The following NAALADL2 variants were observed in gnomAD, a reference collection of about 807,000 sequenced individuals.
NAALADL2 encodes inactive N-acetylated-alpha-linked acidic dipeptidase-like protein 2.
NAALADL2 carries 76 observed loss-of-function variants against 87.2 expected under a neutral mutation model. The ratio of observed to expected loss-of-function variants is 0.87; its 90% confidence interval spans 0.72 to 1.05. The LOEUF (loss-of-function observed/expected upper bound fraction) is 1.05, where lower values mean the gene tolerates loss of function less well. Ranked by LOEUF, NAALADL2 falls within the 50% of genes least tolerant of loss-of-function variation. The pLI is 0.00. For synonymous variants in NAALADL2, 354 were observed against 331.0 expected, an observed-to-expected ratio of 1.07 and a Z score of -0.75; for missense variants, 1,089 against 945.8, an observed-to-expected ratio of 1.15 and a Z score of -1.99.
intron 2 of NAALADL2, among the ~76,000 whole-genome samples, chr3:175,187,653 T>A (rs969836863): frequency 2.6e-5 from 4 of 152,182 alleles, no homozygotes; most frequent in Non-Finnish European, 4.4e-5. Context: ...TCTTTTTTTT[T>A]AAATTCTCTT....
At chr3:175,485,400 C>T (rs1227255864) in intron 9 of NAALADL2, among the ~76,000 whole-genome samples, 4 of 152,114 alleles carry the variant, frequency 2.6e-5, no homozygotes, top group Non-Finnish European at 4.4e-5. Context: ...CACACGATCA[C>T]AAGGTATTAG....
chr3:174,785,685 C>T (rs1679780736), intron 3 of NAALADL2, among the ~76,000 whole-genome samples: 1 of 152,056 alleles, frequency 6.6e-6, no homozygotes, highest in Non-Finnish European at 1.5e-5. Context: ...ATTGAGCGGA[C>T]ATTAAGATGT....
chr3:174,847,683 A>C (rs1218786184), intron 3 of NAALADL2, among the ~76,000 whole-genome samples: 1 of 152,058 alleles, frequency 6.6e-6, no homozygotes, highest in Non-Finnish European at 1.5e-5. Context: ...GTTACTTAGC[A>C]CCATTTTATG....
intron 2 of NAALADL2, among the ~76,000 whole-genome samples, chr3:174,589,043 C>A (rs1209560615): frequency 6.6e-6 from 1 of 152,160 alleles, no homozygotes; most frequent in Non-Finnish European, 1.5e-5. Context: ...AGCTTCCCAG[C>A]CACTTTGTTT....
intron 1 of NAALADL2, among the ~76,000 whole-genome samples, chr3:174,894,684 C>G (rs991791721): frequency 7.9e-6 from 1 of 126,098 alleles, no homozygotes; most frequent in African/African-American, 3.1e-5. Flanking sequence ...GTATAGACAA[C>G]ATAGATCTAA....
chr3:175,752,698 T>C (rs963915638), intron 12 of NAALADL2, among the ~76,000 whole-genome samples: 8 of 152,162 alleles, frequency 5.3e-5, no homozygotes, highest in Non-Finnish European at 1.0e-4. Flanking sequence ...GTCAGTTCTC[T>C]GCATCTGTAC....
intron 5 of NAALADL2, among the ~76,000 whole-genome samples, chr3:175,438,911 G>T (rs903143558): frequency 6.6e-6 from 1 of 151,894 alleles, no homozygotes; most frequent in Non-Finnish European, 1.5e-5. Context: ...ATATGAATAA[G>T]TCCTTTAGTG....
At chr3:174,766,439 T>C (rs1713814622) in intron 3 of NAALADL2, among the ~76,000 whole-genome samples, 1 of 152,156 alleles carries the variant, frequency 6.6e-6, no homozygotes, top group African/African-American at 2.4e-5. Flanking sequence ...GAGTCAGAAA[T>C]GAAATACAGG....
intron 13 of NAALADL2, among the ~76,000 whole-genome samples, chr3:175,768,900 A>G (rs1749110021): frequency 6.6e-6 from 1 of 152,142 alleles, no homozygotes. Context: ...GAGTGGTATA[A>G]AAAGAAGATT....
At chr3:175,742,892 G>A (rs1010686097) in intron 12 of NAALADL2, among the ~76,000 whole-genome samples, 2 of 152,148 alleles carry the variant, frequency 1.3e-5, no homozygotes, top group Non-Finnish European at 2.9e-5. Flanking sequence ...CTCAGTGTCT[G>A]TATCTCTTTG....
At chr3:174,865,015 G>A (rs1341749875) in intron 1 of NAALADL2, among the ~76,000 whole-genome samples, 3 of 151,970 alleles carry the variant, frequency 2.0e-5, no homozygotes, top group Non-Finnish European at 2.9e-5. Flanking sequence ...TGTGTCAATA[G>A]TTTTATTTGA....
chr3:175,649,250 GAAA>G (rs929957693), intron 11 of NAALADL2, among the ~76,000 whole-genome samples: 6 of 151,798 alleles, frequency 4.0e-5, no homozygotes, highest in Non-Finnish European at 7.4e-5. Context: ...TTTTGTGAGA[GAAA>G]AAAAGATAAA....
intron 5 of NAALADL2, among the ~76,000 whole-genome samples, chr3:175,411,448 T>G (rs764734015): frequency 1.3e-5 from 2 of 149,778 alleles, no homozygotes; most frequent in Non-Finnish European, 3.0e-5. Context: ...TCTATTGATG[T>G]GCGAATTGAA....
chr3:175,576,225 A>G (rs1398268300), intron 10 of NAALADL2, 38 bp downstream of exon 10: 10 of 1,570,088 alleles, frequency 6.4e-6, no homozygotes, highest in Admixed American at 5.3e-5. Flanking sequence ...CACACACACA[A>G]TATAGTAGAC....
intron 2 of NAALADL2, among the ~76,000 whole-genome samples, chr3:175,198,388 T>C (rs934996008): frequency 6.6e-6 from 1 of 152,092 alleles, no homozygotes; most frequent in African/African-American, 2.4e-5. Context: ...CCTGGATGAA[T>C]GTCTATTCTA....
intron 2 of NAALADL2, among the ~76,000 whole-genome samples, chr3:174,620,387 C>A (rs1560098069): frequency 6.6e-6 from 1 of 151,940 alleles, no homozygotes; most frequent in Non-Finnish European, 1.5e-5. Flanking sequence ...AACACAGCAA[C>A]ACCTACTGGA....
intron 2 of NAALADL2, among the ~76,000 whole-genome samples, chr3:174,641,958 C>T (rs1364781098): frequency 6.6e-6 from 1 of 151,996 alleles, no homozygotes; most frequent in East Asian, 1.9e-4. Flanking sequence ...AAGGTTTCAC[C>T]ATGTTGGCCA....
chr3:174,700,332 A>G (rs1729435972), intron 2 of NAALADL2, among the ~76,000 whole-genome samples: 1 of 152,038 alleles, frequency 6.6e-6, no homozygotes, highest in African/African-American at 2.4e-5. Flanking sequence ...CATGGGCTAA[A>G]ATTCAATTTA....
intron 5 of NAALADL2, among the ~76,000 whole-genome samples, chr3:175,393,148 C>T (rs1325944058): frequency 4.6e-5 from 7 of 150,810 alleles, no homozygotes; most frequent in Admixed American, 2.6e-4. Flanking sequence ...GTGGCGGGCG[C>T]CTGTAGTCCC....
Sources: allele counts gnomAD v4.1 joint callset (sites outside exome capture counted in the v4.1 genomes callset), GRCh38; gene constraint gnomAD v4.1.1; transcripts MANE v1.5; gene names NCBI Gene and HGNC (gene_info 2026-07-23, HGNC 2026-07-21).